The following JARID2 variants were observed in gnomAD, a reference collection of about 807,000 sequenced individuals.
JARID2 encodes protein Jumonji.
In JARID2, 21 loss-of-function variants were observed where a neutral mutation model predicts 125.6. The observed-to-expected ratio is 0.17, with a 90% CI of 0.12 to 0.24. The LOEUF is 0.24. JARID2 is among the 10% of genes least tolerant of loss of function. The pLI is 1.00. For synonymous variants in JARID2, 736 were observed against 661.6 expected (o/e 1.11, Z -1.73); for missense variants, 1,303 against 1,639.6 (o/e 0.79, Z 3.55).
At chr6:15,377,710 C>G (rs563068899) in intron 2 of JARID2, among the ~76,000 whole-genome samples, 104 of 149,822 alleles carry the variant, frequency 6.9e-4, no homozygotes, top group African/African-American at 2.3e-3. Context: ...TTTTTTTTAT[C>G]TTTAGTAGGG....
At chr6:15,285,372 G>A (rs1334037587) in intron 1 of JARID2, among the ~76,000 whole-genome samples, 1 of 151,984 alleles carries the variant, frequency 6.6e-6, no homozygotes, top group Non-Finnish European at 1.5e-5. Context: ...TGATCCGCCT[G>A]CCTCGGCCTC....
chr6:15,331,664 G>A (rs533113158), intron 1 of JARID2, among the ~76,000 whole-genome samples: 4 of 152,002 alleles, frequency 2.6e-5, no homozygotes, highest in Non-Finnish European at 5.9e-5. Flanking sequence ...TCGGGAGTTC[G>A]AGATCAGTCT....
intron 1 of JARID2, among the ~76,000 whole-genome samples, chr6:15,344,332 A>G (rs988010661): frequency 1.3e-5 from 2 of 152,050 alleles, no homozygotes; most frequent in African/African-American, 4.8e-5. Flanking sequence ...TCTGGCATAT[A>G]GGAATTTCCC....
chr6:15,437,869 A>T (rs1767278334), intron 3 of JARID2, among the ~76,000 whole-genome samples: 1 of 152,144 alleles, frequency 6.6e-6, no homozygotes, highest in Non-Finnish European at 1.5e-5. Context: ...TTCTGGGAGG[A>T]CAAATAAATT....
chr6:15,461,340 A>G (rs892725489), intron 4 of JARID2, among the ~76,000 whole-genome samples: 1 of 152,224 alleles, frequency 6.6e-6, no homozygotes, highest in African/African-American at 2.4e-5. Context: ...TTGCACTTGC[A>G]GATAGAATAC....
intron 1 of JARID2, among the ~76,000 whole-genome samples, chr6:15,364,635 A>T (rs531894499): frequency 6.6e-6 from 1 of 152,328 alleles, no homozygotes; most frequent in South Asian, 2.1e-4. Flanking sequence ...CTTGTAAAAG[A>T]TTTCTTATCT....
chr6:15,474,431 G>T (rs1389664863), intron 5 of JARID2, among the ~76,000 whole-genome samples: 1 of 147,882 alleles, frequency 6.8e-6, no homozygotes, highest in African/African-American at 2.5e-5. Flanking sequence ...TGCCACCATC[G>T]AACAGTCATC....
At chr6:15,509,030 C>CT in intron 12 of JARID2, 1 of 1,289,316 alleles carries the variant, frequency 7.8e-7, no homozygotes, top group Non-Finnish European at 1.0e-6. Context: ...ACTTGGGAAT[C>CT]TCGTTCCTGC....
At chr6:15,269,152 A>G (rs1163572484) in intron 1 of JARID2, among the ~76,000 whole-genome samples, 1 of 152,064 alleles carries the variant, frequency 6.6e-6, no homozygotes, top group Non-Finnish European at 1.5e-5. Context: ...AGGGAGGAGG[A>G]AAACCGTTAA....
At chr6:15,362,781 T>C (rs1231699389) in intron 1 of JARID2, among the ~76,000 whole-genome samples, 1 of 152,132 alleles carries the variant, frequency 6.6e-6, no homozygotes, top group Non-Finnish European at 1.5e-5. Flanking sequence ...TTGGGATTAG[T>C]TGGTGGTAGA....
intron 9 of JARID2, 33 bp downstream of exon 9, chr6:15,504,625 T>A (rs1294061739): frequency 7.0e-7 from 1 of 1,432,836 alleles, no homozygotes; most frequent in South Asian, 1.1e-5. Context: ...CTGCCTCTCA[T>A]GGTGTGGGAA....
Position 15,412,971 on chromosome 6 carries a change from T to A in JARID2, c.323+2606T>A, listed in dbSNP as rs1316497744. ...GTTTTTTTACTTGCGAGTTTTAAAT[T>A]TCTGAAACATTATACATGGGAAGAG... On this transcript the variant is annotated intron_variant, in intron 3 of 17. Coordinates refer to ENST00000341776, the MANE Select transcript of JARID2 (RefSeq NM_004973.4). 6.0e-5 allele frequency among the ~76,000 whole-genome samples: 9 copies of A among 150,474 alleles called. 1 individual carries two copies. The highest frequency in any genetic ancestry group is 2.2e-4 in the African/African-American group (9 of 41,024).
intron 2 of JARID2, among the ~76,000 whole-genome samples, chr6:15,392,680 CTTTTT>C (rs35429221): frequency 2.5e-5 from 3 of 120,910 alleles, no homozygotes; most frequent in African/African-American, 6.5e-5. Context: ...GATTAAGAGA[CTTTTT>C]TTTTTTTTTT....
At chr6:15,413,877 T>C (rs1240943869) in intron 3 of JARID2, among the ~76,000 whole-genome samples, 6 of 152,222 alleles carry the variant, frequency 3.9e-5, no homozygotes, top group Non-Finnish European at 7.3e-5. Flanking sequence ...TCTCACCCTC[T>C]CAGCACTGTT....
At chr6:15,316,028 C>T (rs34870280) in intron 1 of JARID2, among the ~76,000 whole-genome samples, 11,945 of 151,694 alleles carry the variant, frequency 0.079, 536 homozygotes, top group East Asian at 0.19. Flanking sequence ...TTTTTCATCC[C>T]GTGAATGTTA....
At chr6:15,400,642 G>T (rs1765390229) in intron 2 of JARID2, among the ~76,000 whole-genome samples, 1 of 137,510 alleles carries the variant, frequency 7.3e-6, no homozygotes, top group Non-Finnish European at 1.6e-5. Flanking sequence ...AAAAGCTAGT[G>T]ACTCTTTTCC....
intron 1 of JARID2, among the ~76,000 whole-genome samples, chr6:15,327,182 T>C (rs1010530161): frequency 6.6e-6 from 1 of 152,226 alleles, no homozygotes; most frequent in African/African-American, 2.4e-5. Context: ...GGGTTGGTGC[T>C]GTTTCTTTTT....
At chr6:15,397,607 TAG>T (rs1264092653) in intron 2 of JARID2, among the ~76,000 whole-genome samples, 9 of 152,290 alleles carry the variant, frequency 5.9e-5, no homozygotes, top group Admixed American at 2.0e-4. Flanking sequence ...TCTCCTGAAT[TAG>T]AGTTAGTAGA....
chr6:15,388,527 A>G (rs1029748290), intron 2 of JARID2, among the ~76,000 whole-genome samples: 1 of 151,432 alleles, frequency 6.6e-6, no homozygotes, highest in Non-Finnish European at 1.5e-5. Flanking sequence ...GTACAAGTCT[A>G]TCGTTCAAGG....
Sources: allele counts gnomAD v4.1 joint callset (sites outside exome capture counted in the v4.1 genomes callset), GRCh38; gene constraint gnomAD v4.1.1; transcripts MANE v1.5; gene names NCBI Gene and HGNC (gene_info 2026-07-23, HGNC 2026-07-21).